Variants in ERBB4 observed in about 807,000 individuals in gnomAD.
ERBB4 encodes the protein erb-b2 receptor tyrosine kinase 4.
A neutral mutation model predicts 158.0 loss-of-function variants in ERBB4; 42 were observed. The observed-to-expected ratio is 0.27, with a 90% CI of 0.21 to 0.34. The LOEUF is 0.34. Among genes scored for constraint, ERBB4 ranks in the 10% least tolerant of loss-of-function variants. The probability of loss-of-function intolerance (pLI) is 1.00; values close to 1 mark genes in which losing one functional copy is unlikely to be tolerated. For synonymous variants in ERBB4, 583 were observed against 558.7 expected, an observed-to-expected ratio of 1.04 and a Z score of -0.61; for missense variants, 1,333 against 1,624.1, an observed-to-expected ratio of 0.82 and a Z score of 3.08.
rs576880409 is a variant in ERBB4 at position 212,310,896 on chromosome 2, TTAATA to T, written c.83-185998_83-185994del. On this transcript the variant is annotated intron_variant, in intron 1 of 27. Transcript: ENST00000342788. ...AATGAAATTCATTTACATAATATAT[TTAATA>T]TATCCACATAAAATTATCAATGAGC... Among the ~76,000 whole-genome samples, 45 of 150,758 alleles carry T rather than the reference TTAATA, an allele frequency of 3.0e-4. 2 individuals carry two copies. The highest frequency in any genetic ancestry group is 9.9e-4 in the African/African-American group (41 of 41,346).
rs141785829 is a variant in ERBB4, at chr2:212,016,139, C to CATATAT, written c.235-68529_235-68524dup. 4.6e-4 allele frequency among the ~76,000 whole-genome samples: 69 copies of CATATAT among 148,586 alleles called. 1 individual carries two copies. In the South Asian group the frequency reaches 5.5e-3, roughly 12 times the overall value. On this transcript the variant is annotated intron_variant, in intron 2 of 27. Transcript: ENST00000342788. ...TTCTTTCCTTTTGACAATGACTAGA[C>CATATAT]ATATATATATATATATTTTAACTTT...
intron 1 of ERBB4, among the ~76,000 whole-genome samples, chr2:212,284,929 A>C (rs2106159502): frequency 6.6e-6 from 1 of 152,216 alleles, no homozygotes; most frequent in East Asian, 1.9e-4. Context: ...TTCTGGAGAG[A>C]GGTAAGACAT....
At chr2:211,489,686 T>C (rs1197396382) in intron 20 of ERBB4, among the ~76,000 whole-genome samples, 1 of 151,932 alleles carries the variant, frequency 6.6e-6, no homozygotes, top group Non-Finnish European at 1.5e-5. Flanking sequence ...TATGAAGGTA[T>C]TGATTTAATA....
intron 1 of ERBB4, among the ~76,000 whole-genome samples, chr2:212,296,183 G>A (rs772743301): frequency 4.0e-5 from 6 of 151,892 alleles, no homozygotes; most frequent in Non-Finnish European, 7.4e-5. Flanking sequence ...CAATCATAGG[G>A]AACACCATGA....
chr2:211,395,254 T>C (rs2062886340), intron 25 of ERBB4, among the ~76,000 whole-genome samples: 1 of 152,128 alleles, frequency 6.6e-6, no homozygotes, highest in African/African-American at 2.4e-5. Flanking sequence ...ATTTGGATGA[T>C]GACTCATGAA....
chr2:211,658,542 G>A (rs1011332358), intron 15 of ERBB4, among the ~76,000 whole-genome samples: 5 of 152,056 alleles, frequency 3.3e-5, no homozygotes, highest in African/African-American at 4.8e-5. Flanking sequence ...TCTTGGTTGT[G>A]CCTGTCTTTA....
intron 1 of ERBB4, among the ~76,000 whole-genome samples, chr2:212,373,046 T>C (rs570297385): frequency 2.0e-5 from 3 of 152,334 alleles, no homozygotes; most frequent in Admixed American, 6.5e-5. Flanking sequence ...ATAGTTTTTG[T>C]ACTTAACTAT....
intron 2 of ERBB4, among the ~76,000 whole-genome samples, chr2:212,061,413 A>G (rs184586237): frequency 7.8e-6 from 1 of 128,266 alleles, no homozygotes; most frequent in Admixed American, 9.8e-5. Context: ...CGATGGTTCC[A>G]CTGCACTCCA....
chr2:211,972,762 G>C (rs2083297), intron 2 of ERBB4, among the ~76,000 whole-genome samples: 26,706 of 152,120 alleles, frequency 0.18, 2,437 homozygotes, highest in Middle Eastern at 0.23. Flanking sequence ...ATTCAAGATG[G>C]ACTAAAGATT....
intron 1 of ERBB4, among the ~76,000 whole-genome samples, chr2:212,239,823 T>G (rs2084015708): frequency 6.6e-6 from 1 of 152,156 alleles, no homozygotes; most frequent in Non-Finnish European, 1.5e-5. Flanking sequence ...GACAAGAATG[T>G]TTTTATCCTG....
At chr2:212,227,512 A>G (rs2105972406) in intron 1 of ERBB4, among the ~76,000 whole-genome samples, 1 of 152,250 alleles carries the variant, frequency 6.6e-6, no homozygotes, top group African/African-American at 2.4e-5. Flanking sequence ...CTTGTAGATA[A>G]TCAACGATTA....
intron 16 of ERBB4, among the ~76,000 whole-genome samples, chr2:211,655,025 T>C (rs569713423): frequency 1.1e-3 from 169 of 152,306 alleles, no homozygotes; most frequent in Middle Eastern, 3.4e-3. Context: ...ATATTAAATC[T>C]ATAACAAGAT....
At chr2:212,272,713 A>G (rs1194308696) in intron 1 of ERBB4, among the ~76,000 whole-genome samples, 2 of 151,830 alleles carry the variant, frequency 1.3e-5, no homozygotes, top group African/African-American at 4.8e-5. Context: ...TTGATTCAAT[A>G]ATCCATAAAA....
chr2:212,469,096 C>A (rs1382186349), intron 1 of ERBB4, among the ~76,000 whole-genome samples: 2 of 152,062 alleles, frequency 1.3e-5, no homozygotes, highest in African/African-American at 2.4e-5. Context: ...AAATAGATTT[C>A]TTTCTTTATA....
intron 20 of ERBB4, among the ~76,000 whole-genome samples, chr2:211,464,982 C>CTTT (rs1176092000): frequency 4.7e-5 from 1 of 21,350 alleles, no homozygotes; most frequent in Non-Finnish European, 2.2e-4. Flanking sequence ...TTTTTTTTTT[C>CTTT]TTTTTTTTTT....
At chr2:211,860,733 T>C (rs13011062) in intron 3 of ERBB4, among the ~76,000 whole-genome samples, 31,393 of 150,854 alleles carry the variant, frequency 0.21, 3,413 homozygotes, top group South Asian at 0.32. Flanking sequence ...GAAATACTTA[T>C]GCAATGTTTT....
At chr2:211,937,833 G>T (rs1010788570) in intron 3 of ERBB4, among the ~76,000 whole-genome samples, 2 of 152,118 alleles carry the variant, frequency 1.3e-5, no homozygotes, top group Non-Finnish European at 2.9e-5. Flanking sequence ...TGAGATTTTG[G>T]TGGGAACACA....
Position 211,812,646 on chromosome 2 carries a change from A to G in ERBB4, c.422-24487T>C, listed in dbSNP as rs145018813. The stretch of plus-strand genomic sequence containing the variant: ...TTGTCCAGCTATGCCCTGCCCCCAG[A>G]GGTGGAGTCATACAGGCAGCAGGCC... On this transcript the variant is annotated intron_variant, in intron 3 of 27. Coordinates refer to ENST00000342788, the MANE Select transcript of ERBB4 (RefSeq NM_005235.3). Among the ~76,000 whole-genome samples, 1,009 of 152,318 alleles carry G rather than the reference A, an allele frequency of 6.6e-3. 20 individuals carry two copies. Among genetic ancestry groups the G allele is most frequent in the African/African-American group, 0.022 (933 of 41,592 alleles).
intron 8 of ERBB4, among the ~76,000 whole-genome samples, chr2:211,712,393 G>A (rs945214124): frequency 1.1e-4 from 17 of 152,092 alleles, no homozygotes; most frequent in African/African-American, 2.6e-4. Flanking sequence ...ATCGAATGAC[G>A]ATGACTCATC....
Sources: allele counts gnomAD v4.1 joint callset (sites outside exome capture counted in the v4.1 genomes callset), GRCh38; gene constraint gnomAD v4.1.1; transcripts MANE v1.5; gene names NCBI Gene and HGNC (gene_info 2026-07-23, HGNC 2026-07-21).